The following SSBP2 variants were observed in gnomAD, a reference collection of about 807,000 sequenced individuals.
The protein encoded by SSBP2 is single-stranded DNA-binding protein 2.
Under a neutral mutation model 61.8 loss-of-function variants are expected in SSBP2, and 17 were observed. That is an observed-to-expected ratio of 0.28 (90% confidence interval 0.19 to 0.41). The LOEUF is 0.41. Ranked by LOEUF, SSBP2 falls within the 10% of genes least tolerant of loss-of-function variation. The probability of loss-of-function intolerance (pLI) is 1.00; values close to 1 mark genes in which losing one functional copy is unlikely to be tolerated. For missense variants in SSBP2, 310 were observed against 458.7 expected (o/e 0.68, Z 2.96); for synonymous variants, 139 against 141.3 (o/e 0.98, Z 0.12).
At chr5:81,430,471 C>G (rs1353464749) in intron 15 of SSBP2, among the ~76,000 whole-genome samples, 2 of 152,174 alleles carry the variant, frequency 1.3e-5, no homozygotes, top group Non-Finnish European at 2.9e-5. Context: ...AGCAGCGTAT[C>G]TCAGACTCAG....
rs1391063112 is a variant in SSBP2, at chr5:81,419,789, T to C, written c.*715A>G. ...AGCTTTTACTGATTTGAAGTGTTTT[T>C]CTCAAATAAAAATTAAAAAAATACT... On this transcript the variant is annotated 3_prime_UTR_variant, in exon 17 of 17. Transcript: ENST00000320672. The C allele has an allele frequency of 6.6e-6, 1 of 152,228 alleles. No individual in the cohort carries two copies. Among genetic ancestry groups the C allele is most frequent in the East Asian group, 1.9e-4 (1 of 5,200 alleles). 9.4% of individuals were successfully genotyped at this position (152,228 alleles called of 1,614,324 possible).
chr5:81,633,798 ATTTCTACTTCAAGC>A (rs1747953081), intron 3 of SSBP2, among the ~76,000 whole-genome samples: 1 of 152,176 alleles, frequency 6.6e-6, no homozygotes, highest in Non-Finnish European at 1.5e-5. Context: ...AAATCCTACC[ATTTCTACTTCAAGC>A]TTATATCCCT....
At chr5:81,552,410 G>A (rs185391755) in intron 4 of SSBP2, among the ~76,000 whole-genome samples, 9 of 152,224 alleles carry the variant, frequency 5.9e-5, no homozygotes, top group Admixed American at 5.9e-4. Flanking sequence ...AGGCCCAGGT[G>A]GGTGGATCAC....
chr5:81,465,306 C>A (rs1398416736), intron 9 of SSBP2, among the ~76,000 whole-genome samples: 1 of 151,798 alleles, frequency 6.6e-6, no homozygotes, highest in African/African-American at 2.4e-5. Context: ...GACACCCAAA[C>A]CTAAATATCA....
chr5:81,656,155 G>A (rs1403376421), intron 1 of SSBP2, among the ~76,000 whole-genome samples: 3 of 152,054 alleles, frequency 2.0e-5, no homozygotes, highest in African/African-American at 4.8e-5. Context: ...AGGTTCAAGT[G>A]AATCACCTAC....
intron 5 of SSBP2, among the ~76,000 whole-genome samples, chr5:81,510,292 G>A (rs1429274205): frequency 6.6e-6 from 1 of 152,168 alleles, no homozygotes; most frequent in Non-Finnish European, 1.5e-5. Flanking sequence ...CCCATTTTGT[G>A]TTCTCTAGCT....
chr5:81,584,229 T>C (rs1774898200), intron 4 of SSBP2, among the ~76,000 whole-genome samples: 1 of 152,188 alleles, frequency 6.6e-6, no homozygotes, highest in Admixed American at 6.5e-5. Context: ...CAAGAATTCA[T>C]TCTATTATCA....
intron 3 of SSBP2, among the ~76,000 whole-genome samples, chr5:81,635,901 A>C (rs2153671630): frequency 6.6e-6 from 1 of 152,324 alleles, no homozygotes; most frequent in South Asian, 2.1e-4. Flanking sequence ...AACTAGTTTG[A>C]CAATCAGAGA....
chr5:81,427,850 A>C (rs1190313103), intron 16 of SSBP2, among the ~76,000 whole-genome samples: 2 of 152,178 alleles, frequency 1.3e-5, no homozygotes, highest in African/African-American at 4.8e-5. Flanking sequence ...TGATTCACTA[A>C]GTCTAGGGAG....
chr5:81,546,872 AAT>A (rs1288582912), intron 4 of SSBP2, among the ~76,000 whole-genome samples: 3 of 151,962 alleles, frequency 2.0e-5, no homozygotes, highest in Non-Finnish European at 4.4e-5. Flanking sequence ...AAAATGTTAC[AAT>A]ATGTTCCATA....
chr5:81,524,440 C>T (rs764381594), intron 4 of SSBP2, among the ~76,000 whole-genome samples: 1 of 151,988 alleles, frequency 6.6e-6, no homozygotes, highest in African/African-American at 2.4e-5. Flanking sequence ...ATAATAAACT[C>T]ATTGTTTTAA....
Position 81,688,250 on chromosome 5 carries a change from G to T in SSBP2, c.63-37911C>A, listed in dbSNP as rs184103259. 2.6e-3 allele frequency among the ~76,000 whole-genome samples: 395 copies of T among 152,310 alleles called. 1 individual carries two copies. Among genetic ancestry groups the T allele is most frequent in the Non-Finnish European group, 3.6e-3 (248 of 68,022 alleles). On this transcript the variant is annotated intron_variant, in intron 1 of 16. Transcript: ENST00000320672. Reference sequence around the variant, plus strand: ...GTCTTATGATTCGGGTGCCAGCTCAGGCACAGAATAGAATACCAAGTAGAT... The same window carrying T: ...GTCTTATGATTCGGGTGCCAGCTCATGCACAGAATAGAATACCAAGTAGAT...
intron 3 of SSBP2, chr5:81,616,705 T>G (rs1746088175): frequency 6.8e-6 from 1 of 146,972 alleles, no homozygotes. Context: ...TGTCCCTGTC[T>G]GACAGCTTTG....
At chr5:81,544,291 C>G (rs1026454394) in intron 4 of SSBP2, among the ~76,000 whole-genome samples, 2 of 151,840 alleles carry the variant, frequency 1.3e-5, no homozygotes, top group African/African-American at 2.4e-5. Context: ...TCGTGATCCG[C>G]CCCCCTCAGC....
chr5:81,497,898 T>C (rs948208296), intron 5 of SSBP2, among the ~76,000 whole-genome samples: 1 of 152,116 alleles, frequency 6.6e-6, no homozygotes, highest in African/African-American at 2.4e-5. Context: ...TTATATACAA[T>C]TTTGGAAGAA....
intron 1 of SSBP2, among the ~76,000 whole-genome samples, chr5:81,654,018 G>T (rs1351336369): frequency 2.6e-5 from 4 of 151,476 alleles, no homozygotes; most frequent in Non-Finnish European, 5.9e-5. Flanking sequence ...TTGAGACAGG[G>T]TCTTGCTCTA....
chr5:81,507,857 A>G (rs1768298384), intron 5 of SSBP2, among the ~76,000 whole-genome samples: 1 of 152,144 alleles, frequency 6.6e-6, no homozygotes, highest in East Asian at 1.9e-4. Context: ...TTAATAATCT[A>G]ATTTTTTAAA....
At chr5:81,552,478 A>G (rs1177796055) in intron 4 of SSBP2, among the ~76,000 whole-genome samples, 1 of 152,058 alleles carries the variant, frequency 6.6e-6, no homozygotes, top group Non-Finnish European at 1.5e-5. Flanking sequence ...GTCTCTACTA[A>G]AATACAAAAA....
intron 10 of SSBP2, among the ~76,000 whole-genome samples, chr5:81,451,447 A>G (rs2153980331): frequency 6.6e-6 from 1 of 151,652 alleles, no homozygotes; most frequent in East Asian, 1.9e-4. Context: ...ATTTTTTGAG[A>G]TGGAGTTTCG....
Sources: gnomAD v4.1 joint callset for allele counts (sites outside exome capture counted in the v4.1 genomes callset) on GRCh38, gnomAD v4.1.1 for gene constraint, MANE v1.5 for transcripts, NCBI Gene and HGNC (gene_info 2026-07-23, HGNC 2026-07-21) for gene names.